SLAMF1: variants seen among roughly 807,000 people sequenced by gnomAD.
The protein encoded by SLAMF1 is signaling lymphocytic activation molecule family member 1, also known as signaling lymphocytic activation molecule.
SLAMF1 carries 18 observed loss-of-function variants against 35.1 expected under a neutral mutation model. That is an observed-to-expected ratio of 0.51 (90% confidence interval 0.35 to 0.76). SLAMF1 has a LOEUF of 0.76. Among genes scored for constraint, SLAMF1 ranks in the 30% least tolerant of loss-of-function variants. The pLI is 0.01. For missense variants in SLAMF1, 392 were observed against 413.0 expected (o/e 0.95, Z 0.44); for synonymous variants, 168 against 157.2 (o/e 1.07, Z -0.51).
intron 3 of SLAMF1, among the ~76,000 whole-genome samples, chr1:160,630,713 G>A (rs1486628436): frequency 1.3e-5 from 2 of 151,930 alleles, no homozygotes; most frequent in Non-Finnish European, 2.9e-5. Flanking sequence ...CCACTTCCCT[G>A]CCCCAGTCTG....
In SLAMF1 at chr1:160,640,421, T is replaced by C. The variant is rs183738664; in HGVS notation, c.77-2892A>G. 6.0e-3 allele frequency among the ~76,000 whole-genome samples: 896 copies of C among 148,132 alleles called. 7 individuals are homozygous for C. The highest frequency in any genetic ancestry group is 0.01 in the Non-Finnish European group (690 of 67,142). Reference sequence around the variant, plus strand: ...ACATACATATATATATACATACACATATATATATATCTGAACTTAACCATA... The same window carrying C: ...ACATACATATATATATACATACACACATATATATATCTGAACTTAACCATA... On this transcript the variant is annotated intron_variant, in intron 1 of 6. Transcript: ENST00000302035.
In SLAMF1 at chr1:160,610,710, C is replaced by T. The variant is rs762097949; in HGVS notation, c.*38G>A. ...AGTTCAGTGTTCATTTTGGTTTTTC[C>T]ATTTTCCTTCAGAAAGTCCCTTTGT... On this transcript the variant is annotated 3_prime_UTR_variant, in exon 7 of 7. Coordinates refer to ENST00000302035, the MANE Select transcript of SLAMF1 (RefSeq NM_003037.5). 1 of 1,565,306 alleles carries T rather than the reference C, an allele frequency of 6.4e-7. No homozygotes were observed. Among genetic ancestry groups the T allele is most frequent in the Non-Finnish European group, 8.8e-7 (1 of 1,136,258 alleles).
chr1:160,645,590 C>G (rs1224841251), intron 1 of SLAMF1, among the ~76,000 whole-genome samples: 2 of 152,344 alleles, frequency 1.3e-5, no homozygotes, highest in East Asian at 1.9e-4. Flanking sequence ...TCACACCTTA[C>G]AGTCACCAAG....
At chr1:160,625,754 T>C (rs1170069551) in intron 3 of SLAMF1, among the ~76,000 whole-genome samples, 4 of 152,094 alleles carry the variant, frequency 2.6e-5, no homozygotes, top group Admixed American at 6.5e-5. Context: ...TTTTGAATCA[T>C]TGCTGATGCT....
chr1:160,644,575 AT>A, intron 1 of SLAMF1, among the ~76,000 whole-genome samples: 1 of 152,234 alleles, frequency 6.6e-6, no homozygotes, highest in East Asian at 1.9e-4. Flanking sequence ...GCTGTTGTTC[AT>A]TTTGTTTTCC....
In SLAMF1 at chr1:160,610,730, C is replaced by T. The variant is rs1292121149; in HGVS notation, c.*18G>A. The stretch of plus-strand genomic sequence containing the variant: ...TTTTCCATTTTCCTTCAGAAAGTCC[C>T]TTTGTTGGTCTCTGGTGTCAGCTCT... On this transcript the variant is annotated 3_prime_UTR_variant, in exon 7 of 7. Transcript: ENST00000302035. 25 of 1,603,048 alleles carry T rather than the reference C, an allele frequency of 1.6e-5. No homozygotes were observed. In the East Asian group the frequency reaches 5.6e-4, roughly 36 times the overall value.
In SLAMF1 at chr1:160,619,780, G is replaced by C; in HGVS notation, c.860C>G (p.Pro287Arg). The change falls in exon 5 of 7, where the codon CCA (proline) becomes CGA (arginine). Residue 287 changes from proline (P) to arginine (R), a missense_variant. Transcript: ENST00000302035. The part of the protein sequence containing the change: ...SLTIYAQVQK[P>R]GPLQKKLDSF... ...CAAACAAAATATAGAACTTACACCT[G>C]GTTTCTGGACTTGGGCATAGATCGT... 1 of 1,601,074 alleles carries C rather than the reference G, an allele frequency of 6.2e-7. No individual in the cohort carries two copies.
At chr1:160,639,810 GC>G (rs1322110552) in intron 1 of SLAMF1, among the ~76,000 whole-genome samples, 6 of 151,986 alleles carry the variant, frequency 3.9e-5, no homozygotes, top group South Asian at 2.1e-4. Context: ...GGCCCTGCAT[GC>G]CCAGTCCGTG....
chr1:160,634,619 G>T lies in SLAMF1; in HGVS notation c.694C>A (p.Pro232Thr), dbSNP rs1660331635. 1.9e-6 allele frequency: 3 copies of T among 1,603,188 alleles called. No homozygotes were observed. The highest frequency in any genetic ancestry group is 2.6e-6 in the Non-Finnish European group (3 of 1,173,786). The change falls in exon 3 of 7, where the codon CCC becomes ACC. Residue 232 changes from proline (P) to threonine (T), a missense_variant. Coordinates refer to ENST00000302035, the MANE Select transcript of SLAMF1 (RefSeq NM_003037.5). ...FSPWPGCRTD[P>T]SETKPWAVYA... ...CTGCCACCAGTGTACTCACCTGAGG[G>T]GTCTGTCCTGCATCCGGGCCACGGG...
rs374366893 is a variant in SLAMF1, at chr1:160,627,796, G to A, written c.701-3611C>T. The stretch of plus-strand genomic sequence containing the variant: ...CTACTCTGTGCTTCCTTGGGTGCAA[G>A]GTTTAGTCACTTCATCAGTGATATG... On this transcript the variant is annotated intron_variant, in intron 3 of 6. Coordinates refer to ENST00000302035, the MANE Select transcript of SLAMF1 (RefSeq NM_003037.5). Among the ~76,000 whole-genome samples the A allele has an allele frequency of 6.0e-4, 91 of 152,222 alleles. 1 individual carries two copies. In the South Asian group the frequency reaches 0.015, roughly 25 times the overall value.
intron 3 of SLAMF1, among the ~76,000 whole-genome samples, chr1:160,632,739 C>T (rs1363451252): frequency 2.0e-5 from 3 of 152,130 alleles, no homozygotes; most frequent in East Asian, 1.9e-4. Flanking sequence ...GCTACTGCTT[C>T]CTCATTTACA....
chr1:160,619,994 C>A (rs983442919), intron 4 of SLAMF1, 145 bp from the exon 5 acceptor site: 15 of 673,636 alleles, frequency 2.2e-5, no homozygotes, highest in Admixed American at 5.0e-5. Context: ...CCCCCCTGCA[C>A]ATTTGTCATA....
chr1:160,612,796 T>C (rs1224338386), intron 5 of SLAMF1, among the ~76,000 whole-genome samples: 1 of 152,126 alleles, frequency 6.6e-6, no homozygotes, highest in Non-Finnish European at 1.5e-5. Flanking sequence ...CGTCTTGGGG[T>C]GCACAACCTC....
intron 6 of SLAMF1, among the ~76,000 whole-genome samples, chr1:160,612,245 A>ATT (rs3079846): frequency 1.9e-4 from 28 of 147,988 alleles, no homozygotes; most frequent in Non-Finnish European, 2.8e-4. Context: ...TTTTGTTTTA[A>ATT]TTTTTTTTTT....
intron 5 of SLAMF1, among the ~76,000 whole-genome samples, chr1:160,617,258 T>C (rs1393339331): frequency 1.3e-5 from 2 of 152,140 alleles, no homozygotes; most frequent in Non-Finnish European, 2.9e-5. Flanking sequence ...CTCGGCCTTA[T>C]CTAGTCAATT....
At chr1:160,624,613 A>G (rs1659785445) in intron 3 of SLAMF1, among the ~76,000 whole-genome samples, 1 of 152,228 alleles carries the variant, frequency 6.6e-6, no homozygotes, top group Admixed American at 6.5e-5. Flanking sequence ...CTCATGAGAC[A>G]CTGGGAGGAA....
At position 160,609,946 on chromosome 1, in the gene SLAMF1, C is replaced by A; in HGVS notation, c.*802G>T. The A allele has an allele frequency of 5.7e-6, 1 of 174,274 alleles. No individual in the cohort carries two copies. Among genetic ancestry groups the A allele is most frequent in the Admixed American group, 5.9e-5 (1 of 17,030 alleles). The allele number at this position is 174,274 out of a possible 1,614,324, so 10.8% of individuals were successfully genotyped here. ...ATCATTTTGAGAAGTGAAAAATCAC[C>A]ATGGGACAAGTTCCTCTGAGTATTC... On this transcript the variant is annotated 3_prime_UTR_variant, in exon 7 of 7. Coordinates refer to ENST00000302035, the MANE Select transcript of SLAMF1 (RefSeq NM_003037.5).
intron 3 of SLAMF1, among the ~76,000 whole-genome samples, chr1:160,631,042 C>G (rs1660138351): frequency 1.3e-5 from 2 of 151,902 alleles, no homozygotes; most frequent in Admixed American, 1.3e-4. Context: ...TCATTGTTTA[C>G]TTATACAGCT....
rs373611200 is a variant in SLAMF1 at position 160,646,975 on chromosome 1, G to T, written c.-30C>A. The stretch of plus-strand genomic sequence containing the variant: ...CAATGAGGAGAAGGAAGGGATCCTG[G>T]CCGGAGCCTGGCAGCTGCTCACAGA... On this transcript the variant is annotated 5_prime_UTR_variant, in exon 1 of 7. Coordinates refer to ENST00000302035, the MANE Select transcript of SLAMF1 (RefSeq NM_003037.5). The T allele has an allele frequency of 4.3e-5, 55 of 1,265,118 alleles. No homozygotes were observed. The highest frequency in any genetic ancestry group is 5.7e-5 in the Non-Finnish European group (49 of 866,810). 78.4% of individuals were successfully genotyped at this position (1,265,118 alleles called of 1,614,324 possible). A position where few individuals can be genotyped will look rare whatever the true frequency, so the allele number is the denominator to read the frequency against.
Sources: allele counts gnomAD v4.1 joint callset (sites outside exome capture counted in the v4.1 genomes callset), GRCh38; gene constraint gnomAD v4.1.1; transcripts MANE v1.5; gene names NCBI Gene and HGNC (gene_info 2026-07-23, HGNC 2026-07-21).